KCNMB4: variants seen among roughly 807,000 people sequenced by gnomAD.
KCNMB4 encodes the protein potassium calcium-activated channel subfamily M regulatory beta subunit 4, also known as calcium-activated potassium channel subunit beta-4.
KCNMB4 carries 3 observed loss-of-function variants against 20.7 expected under a neutral mutation model. The observed-to-expected ratio is 0.14, with a 90% CI of 0.07 to 0.37. The LOEUF is 0.37. Ranked by LOEUF, KCNMB4 falls within the 10% of genes least tolerant of loss-of-function variation. The probability of loss-of-function intolerance (pLI) is 1.00; values close to 1 mark genes in which losing one functional copy is unlikely to be tolerated. For missense variants in KCNMB4, 168 were observed against 265.9 expected, an observed-to-expected ratio of 0.63 and a Z score of 2.56; for synonymous variants, 110 against 113.4, an observed-to-expected ratio of 0.97 and a Z score of 0.19.
chr12:70,375,280 G>C (rs567803415), intron 1 of KCNMB4, among the ~76,000 whole-genome samples: 71 of 152,108 alleles, frequency 4.7e-4, no homozygotes, highest in African/African-American at 1.6e-3. Context: ...CTCCAAACCG[G>C]TGGTTTTCAA....
intron 1 of KCNMB4, among the ~76,000 whole-genome samples, chr12:70,373,926 C>T (rs1883641819): frequency 6.6e-6 from 1 of 152,154 alleles, no homozygotes; most frequent in East Asian, 1.9e-4. Context: ...TACAAGACTG[C>T]AGTGAGCTAA....
At chr12:70,376,151 TAAA>T (rs72152386) in intron 1 of KCNMB4, among the ~76,000 whole-genome samples, 13,276 of 142,482 alleles carry the variant, frequency 0.093, 680 homozygotes, top group Admixed American at 0.16. Flanking sequence ...CCTTTCATGA[TAAA>T]AAAAAAAAAA....
intron 1 of KCNMB4, among the ~76,000 whole-genome samples, chr12:70,386,578 T>TTTTG (rs1457233152): frequency 6.7e-6 from 1 of 148,254 alleles, no homozygotes; most frequent in Admixed American, 6.7e-5. Context: ...ATTGTAGCCT[T>TTTTG]TTTGTTTGTT....
At chr12:70,379,700 C>A (rs950320555) in intron 1 of KCNMB4, among the ~76,000 whole-genome samples, 1 of 152,190 alleles carries the variant, frequency 6.6e-6, no homozygotes, top group Admixed American at 6.5e-5. Flanking sequence ...GCATGAGCCA[C>A]CATGCCCAGC....
At chr12:70,385,681 A>T (rs1868251319) in intron 1 of KCNMB4, among the ~76,000 whole-genome samples, 1 of 152,240 alleles carries the variant, frequency 6.6e-6, no homozygotes, top group African/African-American at 2.4e-5. Flanking sequence ...ATACAAAATT[A>T]GAAACAAAAA....
At chr12:70,371,829 G>T (rs567739932) in intron 1 of KCNMB4, among the ~76,000 whole-genome samples, 5 of 152,326 alleles carry the variant, frequency 3.3e-5, no homozygotes, top group African/African-American at 9.6e-5. Flanking sequence ...CAAAGTTCCT[G>T]CACTCATGGA....
At chr12:70,408,411 G>A (rs1868671885) in intron 2 of KCNMB4, among the ~76,000 whole-genome samples, 1 of 152,234 alleles carries the variant, frequency 6.6e-6, no homozygotes, top group African/African-American at 2.4e-5. Flanking sequence ...TCGCTCAAAT[G>A]CAGGAAATTA....
At chr12:70,388,284 A>G (rs530392336) in intron 1 of KCNMB4, among the ~76,000 whole-genome samples, 2 of 152,298 alleles carry the variant, frequency 1.3e-5, no homozygotes, top group African/African-American at 4.8e-5. Flanking sequence ...GCTGCAACAA[A>G]TACAGGAGTG....
chr12:70,432,223 G>A lies in KCNMB4; in HGVS notation c.*1570G>A, dbSNP rs1034215246. 8.6e-5 allele frequency: 13 copies of A among 151,822 alleles called. No homozygotes were observed. The highest frequency in any genetic ancestry group is 1.9e-4 in the Non-Finnish European group (13 of 68,102). 9.4% of individuals were successfully genotyped at this position (151,822 alleles called of 1,614,324 possible). Reference sequence around the variant, plus strand: ...TTTTTTGTATTTTTAGTAGAGACGGGGTTTCACCGTGTTAGCCAGGATGGT... The same window carrying A: ...TTTTTTGTATTTTTAGTAGAGACGGAGTTTCACCGTGTTAGCCAGGATGGT... On this transcript the variant is annotated 3_prime_UTR_variant, in exon 3 of 3. Coordinates refer to ENST00000258111, the MANE Select transcript of KCNMB4 (RefSeq NM_014505.6).
chr12:70,384,844 A>C (rs950976287), intron 1 of KCNMB4, among the ~76,000 whole-genome samples: 1 of 141,420 alleles, frequency 7.1e-6, no homozygotes, highest in Non-Finnish European at 1.5e-5. Context: ...GCTGTACTCC[A>C]GCCTGAGCAA....
chr12:70,412,786 T>C (rs887761335), intron 2 of KCNMB4, among the ~76,000 whole-genome samples: 5 of 152,194 alleles, frequency 3.3e-5, no homozygotes, highest in Non-Finnish European at 7.3e-5. Flanking sequence ...TTGTTGACAT[T>C]GGAATGAATT....
chr12:70,366,704 G>T lies in KCNMB4; in HGVS notation c.-31G>T. Reference sequence around the variant, plus strand: ...GCGCCGGGGGCGGGAGGGGGCGGGGGGAGCACGCCAGCCGCCGAGAGTGGG... The same window carrying T: ...GCGCCGGGGGCGGGAGGGGGCGGGGTGAGCACGCCAGCCGCCGAGAGTGGG... On this transcript the variant is annotated 5_prime_UTR_variant, in exon 1 of 3. Transcript: ENST00000258111. 2 of 1,488,752 alleles carry T rather than the reference G, an allele frequency of 1.3e-6. No homozygotes were observed. Among genetic ancestry groups the T allele is most frequent in the Non-Finnish European group, 8.9e-7 (1 of 1,118,098 alleles). The allele number at this position is 1,488,752 out of a possible 1,614,324, so 92.2% of individuals were successfully genotyped here. A position where few individuals can be genotyped will look rare whatever the true frequency, so the allele number is the denominator to read the frequency against.
chr12:70,403,180 C>CTTTTATTTTATTTTATTTTA (rs3049185), intron 2 of KCNMB4, among the ~76,000 whole-genome samples: 4 of 149,536 alleles, frequency 2.7e-5, no homozygotes, highest in Admixed American at 1.3e-4. Flanking sequence ...TAGTCATCGT[C>CTTTTATTTTATTTTATTTTA]TTTTATTTTA....
intron 1 of KCNMB4, among the ~76,000 whole-genome samples, chr12:70,394,351 A>G (rs921308892): frequency 1.3e-5 from 2 of 151,738 alleles, no homozygotes; most frequent in African/African-American, 4.8e-5. Context: ...GCTGGGCACT[A>G]CTCTTTCTGC....
At chr12:70,422,698 G>A in intron 2 of KCNMB4, 4 of 1,288,576 alleles carry the variant, frequency 3.1e-6, no homozygotes, top group Non-Finnish European at 4.0e-6. Flanking sequence ...GCATCCTTCT[G>A]GTTTGCAGGT....
chr12:70,414,947 A>G (rs913840428), intron 2 of KCNMB4, among the ~76,000 whole-genome samples: 15 of 152,190 alleles, frequency 9.9e-5, no homozygotes, highest in African/African-American at 3.6e-4. Context: ...TCTTAATTGT[A>G]AGTCAAAATG....
At chr12:70,396,732 T>C (rs375513509) in intron 1 of KCNMB4, among the ~76,000 whole-genome samples, 6 of 152,362 alleles carry the variant, frequency 3.9e-5, no homozygotes, top group African/African-American at 1.4e-4. Context: ...GTTGTGATGA[T>C]GACGTTACCA....
intron 2 of KCNMB4, among the ~76,000 whole-genome samples, chr12:70,401,429 G>A (rs1259485798): frequency 1.3e-5 from 2 of 152,092 alleles, no homozygotes; most frequent in Non-Finnish European, 2.9e-5. Flanking sequence ...CAATAGTCTT[G>A]TAACAAGTCT....
Position 70,366,660 on chromosome 12 carries a change from C to T in KCNMB4, c.-75C>T. 5 of 1,207,812 alleles carry T rather than the reference C, an allele frequency of 4.1e-6. No individual in the cohort carries two copies. Among genetic ancestry groups the T allele is most frequent in the Non-Finnish European group, 5.3e-6 (5 of 947,768 alleles). 74.8% of individuals were successfully genotyped at this position (1,207,812 alleles called of 1,614,324 possible). A position where few individuals can be genotyped will look rare whatever the true frequency, so the allele number is the denominator to read the frequency against. On this transcript the variant is annotated 5_prime_UTR_variant, in exon 1 of 3. Coordinates refer to ENST00000258111, the MANE Select transcript of KCNMB4 (RefSeq NM_014505.6). ...GCGGTGGCGGCGGCGGCTCCTCCCG[C>T]CCGAGGCAGTCGGGCTCGGCGCCGG...
Sources: allele counts gnomAD v4.1 joint callset (sites outside exome capture counted in the v4.1 genomes callset), GRCh38; gene constraint gnomAD v4.1.1; transcripts MANE v1.5; gene names NCBI Gene and HGNC (gene_info 2026-07-23, HGNC 2026-07-21).